AFF3: variants seen among roughly 807,000 people sequenced by gnomAD.
AFF3 encodes AF4/FMR2 family member 3.
Under a neutral mutation model 129.7 loss-of-function variants are expected in AFF3, and 32 were observed. That is an observed-to-expected ratio of 0.25 (90% CI 0.19 to 0.33). The LOEUF (loss-of-function observed/expected upper bound fraction) is 0.33. Among genes scored for constraint, AFF3 ranks in the 10% least tolerant of loss-of-function variants. The pLI is 1.00. For missense variants in AFF3, 1,373 were observed against 1,592.0 expected, an observed-to-expected ratio of 0.86 and a Z score of 2.34; for synonymous variants, 644 against 635.4, an observed-to-expected ratio of 1.01 and a Z score of -0.20.
At chr2:100,063,578 T>C (rs1312444739) in intron 4 of AFF3, among the ~76,000 whole-genome samples, 1 of 151,916 alleles carries the variant, frequency 6.6e-6, no homozygotes, top group Non-Finnish European at 1.5e-5. Context: ...AAAAATTACC[T>C]AAAAGGCAAT....
chr2:99,549,691 C>T lies in AFF3; in HGVS notation c.*1783G>A. On this transcript the variant is annotated 3_prime_UTR_variant, in exon 25 of 25. Coordinates refer to ENST00000672756, the MANE Select transcript of AFF3 (RefSeq NM_001386135.1). ...GAAGGCCAAAGCCAAATGCAAATTC[C>T]ACAAGCCCTTCTTATTTTCAATTAA... 1 of 214,058 alleles carries T rather than the reference C, an allele frequency of 4.7e-6. No homozygotes were observed. The highest frequency in any genetic ancestry group is 7.0e-5 in the East Asian group (1 of 14,340). The allele number at this position is 214,058 out of a possible 1,614,324, so 13.3% of individuals were successfully genotyped here.
intron 11 of AFF3, among the ~76,000 whole-genome samples, chr2:99,688,354 G>A (rs995762866): frequency 6.6e-5 from 10 of 152,136 alleles, no homozygotes; most frequent in African/African-American, 2.4e-4. Flanking sequence ...TGTGCAAAGT[G>A]GTTAAAATTC....
At chr2:99,998,938 G>A (rs1485591361) in intron 7 of AFF3, among the ~76,000 whole-genome samples, 2 of 152,116 alleles carry the variant, frequency 1.3e-5, no homozygotes, top group African/African-American at 4.8e-5. Flanking sequence ...TGGCAGAGAC[G>A]CTGGAAATGT....
At chr2:100,056,057 T>TCACACACACA (rs1491369012) in intron 4 of AFF3, among the ~76,000 whole-genome samples, 1 of 87,988 alleles carries the variant, frequency 1.1e-5, no homozygotes, top group African/African-American at 6.1e-5. Flanking sequence ...AATCGCTGTC[T>TCACACACACA]CTCTCTCACA....
intron 4 of AFF3, among the ~76,000 whole-genome samples, chr2:100,039,707 C>T (rs1050933837): frequency 2.6e-5 from 4 of 152,108 alleles, no homozygotes; most frequent in Admixed American, 6.5e-5. Context: ...CATATGCCTT[C>T]GCTCACTTTC....
At chr2:99,996,527 A>ATTTTTTTTTTTTTTTTTTTTT (rs756231548) in intron 7 of AFF3, among the ~76,000 whole-genome samples, 1 of 114,086 alleles carries the variant, frequency 8.8e-6, no homozygotes, top group Non-Finnish European at 1.7e-5. Context: ...CGCCCGGCTA[A>ATTTTTTTTTTTTTTTTTTTTT]TTTTTTTTTT....
chr2:100,111,152 T>C (rs1449074892), intron 2 of AFF3, among the ~76,000 whole-genome samples: 2 of 152,230 alleles, frequency 1.3e-5, no homozygotes, highest in Non-Finnish European at 1.5e-5. Context: ...ATCTGGACTT[T>C]TAGGAACAAA....
At chr2:99,750,960 T>G (rs1681596562) in intron 9 of AFF3, among the ~76,000 whole-genome samples, 1 of 152,222 alleles carries the variant, frequency 6.6e-6, no homozygotes, top group Admixed American at 6.5e-5. Flanking sequence ...ATATATTCAC[T>G]TGAAAAGGTC....
chr2:99,570,910 G>A (rs1559489524), intron 18 of AFF3, among the ~76,000 whole-genome samples: 1 of 152,208 alleles, frequency 6.6e-6, no homozygotes. Context: ...TTCCCCCGCC[G>A]TAAGGCGTTC....
intron 7 of AFF3, among the ~76,000 whole-genome samples, chr2:99,954,508 A>C (rs1676446815): frequency 6.6e-6 from 1 of 152,142 alleles, no homozygotes; most frequent in Non-Finnish European, 1.5e-5. Flanking sequence ...AAGACTTGGA[A>C]ACAACCCAAA....
chr2:99,994,109 C>T (rs569523814), intron 7 of AFF3, among the ~76,000 whole-genome samples: 36 of 149,964 alleles, frequency 2.4e-4, no homozygotes, highest in Middle Eastern at 3.4e-3. Context: ...CCCAGCCAAA[C>T]TTAATCTTTT....
At chr2:99,697,156 G>T (rs1042533263) in intron 11 of AFF3, among the ~76,000 whole-genome samples, 1 of 152,230 alleles carries the variant, frequency 6.6e-6, no homozygotes, top group African/African-American at 2.4e-5. Context: ...GATAAGCAGA[G>T]ACTAGAAGAA....
chr2:99,971,832 G>A (rs1439933881), intron 7 of AFF3, among the ~76,000 whole-genome samples: 1 of 152,180 alleles, frequency 6.6e-6, no homozygotes, highest in Non-Finnish European at 1.5e-5. Context: ...CAGTATGACT[G>A]ATCTGGAAAC....
intron 4 of AFF3, among the ~76,000 whole-genome samples, chr2:100,084,450 G>C (rs1689269097): frequency 6.6e-6 from 1 of 152,150 alleles, no homozygotes; most frequent in African/African-American, 2.4e-5. Context: ...AGACTATCTG[G>C]TTCACAGTCT....
chr2:100,141,630 T>C (rs1285174195), intron 1 of AFF3, among the ~76,000 whole-genome samples: 1 of 152,242 alleles, frequency 6.6e-6, no homozygotes, highest in Non-Finnish European at 1.5e-5. Flanking sequence ...AAAGGAATTA[T>C]GAAACACATG....
At chr2:99,789,549 A>C (rs540157860) in intron 8 of AFF3, among the ~76,000 whole-genome samples, 25 of 151,722 alleles carry the variant, frequency 1.6e-4, no homozygotes, top group Non-Finnish European at 2.9e-4. Flanking sequence ...CCAGAATGAC[A>C]GTATGGCTGC....
At chr2:99,863,576 A>G (rs1691157994) in intron 7 of AFF3, among the ~76,000 whole-genome samples, 1 of 152,224 alleles carries the variant, frequency 6.6e-6, no homozygotes, top group Non-Finnish European at 1.5e-5. Flanking sequence ...TATAGAGAAC[A>G]CTTCAAAAAA....
intron 20 of AFF3, among the ~76,000 whole-genome samples, 183 bp downstream of exon 20, chr2:99,565,304 C>T (rs996514660): frequency 6.6e-6 from 1 of 152,054 alleles, no homozygotes; most frequent in East Asian, 1.9e-4. Context: ...CCCTTGCTCA[C>T]GGAGGACAGA....
chr2:99,849,077 A>G (rs1333458138), intron 7 of AFF3, among the ~76,000 whole-genome samples: 1 of 152,172 alleles, frequency 6.6e-6, no homozygotes, highest in Non-Finnish European at 1.5e-5. Context: ...GTGAAATGGT[A>G]CAAAATCAAT....
Sources: gnomAD v4.1 joint callset for allele counts (sites outside exome capture counted in the v4.1 genomes callset) on GRCh38, gnomAD v4.1.1 for gene constraint, MANE v1.5 for transcripts, NCBI Gene and HGNC (gene_info 2026-07-23, HGNC 2026-07-21) for gene names.